The following CEP152 variants were observed in gnomAD, a reference collection of about 807,000 sequenced individuals.
The protein encoded by CEP152 is centrosomal protein of 152 kDa.
CEP152 carries 132 observed loss-of-function variants against 188.9 expected under a neutral mutation model. The ratio of observed to expected loss-of-function variants is 0.70; its 90% CI spans 0.61 to 0.81. The LOEUF (loss-of-function observed/expected upper bound fraction) is 0.81. Among genes scored for constraint, CEP152 ranks in the 30% least tolerant of loss-of-function variants. The pLI, the probability that CEP152 is intolerant of heterozygous loss-of-function variation, is 0.00. For synonymous variants in CEP152, 649 were observed against 666.6 expected (o/e 0.97, Z 0.41); for missense variants, 1,914 against 1,969.8 (o/e 0.97, Z 0.54).
intron 24 of CEP152, 144 bp downstream of exon 24, chr15:48,744,096 A>T (rs1893225438): frequency 7.5e-6 from 10 of 1,329,308 alleles, no homozygotes; most frequent in Admixed American, 5.1e-5. Context: ...TTGAAAAGGT[A>T]TCAATAATCT....
intron 17 of CEP152, among the ~76,000 whole-genome samples, chr15:48,764,873 T>G (rs1169910879): frequency 6.6e-6 from 1 of 152,124 alleles, no homozygotes; most frequent in East Asian, 1.9e-4. Flanking sequence ...TTAAATTCCC[T>G]ACCTAAAGCT....
At chr15:48,776,691 G>C (rs751796008) in intron 12 of CEP152, among the ~76,000 whole-genome samples, 2 of 151,990 alleles carry the variant, frequency 1.3e-5, no homozygotes, top group African/African-American at 4.8e-5. Context: ...AAAGATTTCA[G>C]AATATACTAG....
rs777337799 is a variant in CEP152, at chr15:48,738,680, G to T, written c.4702C>A (p.Leu1568Ile). The T allele has an allele frequency of 1.2e-6, 2 of 1,614,052 alleles. No homozygotes were observed. Among genetic ancestry groups the T allele is most frequent in the Non-Finnish European group, 1.7e-6 (2 of 1,180,034 alleles). Residue 1568 changes from leucine (L) to isoleucine (I), a missense_variant, in exon 27 of 27, where the codon CTT (leucine) becomes ATT (isoleucine). Transcript: ENST00000380950. The part of the protein sequence containing the change: ...QEPPVKDGGD[L>I]SDCLGWPSSS... ...GAAGGCCAGCCCAAGCAGTCACTAA[G>T]GTCCCCTCCATCTTTTACTGGAGGT... is the stretch of plus-strand genomic sequence containing the variant.
chr15:48,757,852 A>G (rs1894388654), intron 19 of CEP152, among the ~76,000 whole-genome samples: 1 of 152,238 alleles, frequency 6.6e-6, no homozygotes, highest in South Asian at 2.1e-4. Context: ...TTTAGAGAAA[A>G]CAGGTCATGT....
At chr15:48,751,457 G>A (rs1384550900) in intron 21 of CEP152, among the ~76,000 whole-genome samples, 1 of 152,178 alleles carries the variant, frequency 6.6e-6, no homozygotes, top group African/African-American at 2.4e-5. Flanking sequence ...TAGGGGAAAA[G>A]GGTTTGTGAA....
At chr15:48,741,447 C>T in intron 26 of CEP152, 154 bp downstream of exon 26, 1 of 1,506,136 alleles carries the variant, frequency 6.6e-7, no homozygotes, top group Admixed American at 2.2e-5. Context: ...AAACTGTGTA[C>T]TCTTTTTGCG....
At chr15:48,793,836 TAAC>T (rs1336345900) in intron 6 of CEP152, among the ~76,000 whole-genome samples, 2 of 152,156 alleles carry the variant, frequency 1.3e-5, no homozygotes, top group African/African-American at 2.4e-5. Flanking sequence ...AATCAGTATA[TAAC>T]AACTGCAATG....
chr15:48,783,271 T>G (rs891255509), intron 10 of CEP152: 4 of 152,144 alleles, frequency 2.6e-5, no homozygotes, highest in Non-Finnish European at 4.4e-5. Flanking sequence ...CTGCTGAAAC[T>G]AAAATGATAG....
intron 9 of CEP152, among the ~76,000 whole-genome samples, chr15:48,786,585 G>A (rs969255965): frequency 5.9e-5 from 9 of 152,272 alleles, no homozygotes; most frequent in African/African-American, 1.7e-4. Context: ...GCATGATGCC[G>A]AGGTCTGGGC....
intron 7 of CEP152, among the ~76,000 whole-genome samples, chr15:48,791,699 T>C (rs1896997099): frequency 6.6e-6 from 1 of 152,112 alleles, no homozygotes; most frequent in South Asian, 2.1e-4. Context: ...ATATTTTTAG[T>C]AGAGATGGGG....
chr15:48,802,481 T>C (rs922017338), intron 2 of CEP152, among the ~76,000 whole-genome samples: 5 of 152,216 alleles, frequency 3.3e-5, no homozygotes, highest in African/African-American at 1.2e-4. Context: ...AGAGTTTCAG[T>C]TGAAACACTG....
downstream of CEP152, among the ~76,000 whole-genome samples, chr15:48,733,602 T>G (rs1356956241): frequency 6.6e-6 from 1 of 151,966 alleles, no homozygotes; most frequent in Non-Finnish European, 1.5e-5. Flanking sequence ...AAAAAATAAT[T>G]GAAGAAATAG....
At chr15:48,746,625 A>T (rs1893450471) in intron 22 of CEP152, among the ~76,000 whole-genome samples, 1 of 152,168 alleles carries the variant, frequency 6.6e-6, no homozygotes, top group Non-Finnish European at 1.5e-5. Flanking sequence ...CTTAGTAATA[A>T]GCAGTCAGTG....
rs1482030695 is a variant in CEP152 at position 48,767,415 on chromosome 15, T to C, written c.2067A>G (p.Ile689Met). 6.2e-7 allele frequency: 1 copy of C among 1,614,150 alleles called. No individual in the cohort carries two copies. Among genetic ancestry groups the C allele is most frequent in the Non-Finnish European group, 8.5e-7 (1 of 1,180,010 alleles). Reference sequence around the variant, plus strand: ...CATGCTTTGCTAATAGGCTTTCACGTATTTGAGTTTTCATGGCTTCATGGT... The same window carrying C: ...CATGCTTTGCTAATAGGCTTTCACGCATTTGAGTTTTCATGGCTTCATGGT... ...QQHHEAMKTQIRESLLAKHAL... is the reference protein window; with the variant it reads ...QQHHEAMKTQMRESLLAKHAL... Residue 689 changes from isoleucine to methionine, a missense_variant, in exon 16 of 27, where the codon ATA (isoleucine) becomes ATG (methionine). Coordinates refer to ENST00000380950, the MANE Select transcript of CEP152 (RefSeq NM_001194998.2).
At position 48,788,884 on chromosome 15, in the gene CEP152, T is replaced by C. The variant is rs1240291930; in HGVS notation, c.1090A>G (p.Met364Val). 1 of 1,614,096 alleles carries C rather than the reference T, an allele frequency of 6.2e-7. No homozygotes were observed. The highest frequency in any genetic ancestry group is 1.7e-5 in the Admixed American group (1 of 60,010). The change falls in exon 9 of 27, where the codon ATG becomes GTG. Residue 364 changes from methionine (M) to valine (V), a missense_variant. Transcript: ENST00000380950. The stretch of plus-strand genomic sequence containing the variant: ...TCTTCGTACTTCTTTGTGAGGCCCA[T>C]AACAATGCTCTCATGCTGTTCTCTA... ...RAREQHESIV[M>V]GLTKKYEEQV...
At chr15:48,761,299 G>C (rs1332096307) in intron 18 of CEP152, among the ~76,000 whole-genome samples, 1 of 152,074 alleles carries the variant, frequency 6.6e-6, no homozygotes. Flanking sequence ...AAATCACGTA[G>C]AACAATGTAA....
intron 5 of CEP152, among the ~76,000 whole-genome samples, chr15:48,796,771 T>G (rs1172152167): frequency 6.6e-6 from 1 of 151,934 alleles, no homozygotes; most frequent in South Asian, 2.1e-4. Flanking sequence ...TTCATTAAAC[T>G]CCCCCCCAGG....
At chr15:48,753,776 A>G (rs912693029) in intron 20 of CEP152, among the ~76,000 whole-genome samples, 1 of 152,100 alleles carries the variant, frequency 6.6e-6, no homozygotes, top group African/African-American at 2.4e-5. Flanking sequence ...TCCATTTGAT[A>G]TTTGTTTTAT....
chr15:48,736,621 C>T (rs984284662), downstream of CEP152, among the ~76,000 whole-genome samples: 1 of 152,128 alleles, frequency 6.6e-6, no homozygotes. Flanking sequence ...GTTACCTTGT[C>T]ATACACCCTA....
Sources: allele counts gnomAD v4.1 joint callset (sites outside exome capture counted in the v4.1 genomes callset), GRCh38; gene constraint gnomAD v4.1.1; transcripts MANE v1.5; gene names NCBI Gene and HGNC (gene_info 2026-07-23, HGNC 2026-07-21).